CDCA7L: variants seen among roughly 807,000 people sequenced by gnomAD.
The protein encoded by CDCA7L is cell division cycle-associated 7-like protein.
Under a neutral mutation model 57.4 loss-of-function variants are expected in CDCA7L, and 44 were observed. The observed-to-expected ratio is 0.77, with a 90% CI of 0.60 to 0.98. The LOEUF is 0.98. Ranked by LOEUF, CDCA7L falls within the 50% of genes least tolerant of loss-of-function variation. The probability of loss-of-function intolerance (pLI) is 0.00; values close to 1 mark genes in which losing one functional copy is unlikely to be tolerated. For missense variants in CDCA7L, 644 were observed against 580.6 expected (o/e 1.11, Z -1.12); for synonymous variants, 236 against 202.8 (o/e 1.16, Z -1.39).
Position 21,911,724 on chromosome 7 carries a change from T to C in CDCA7L, c.196A>G (p.Thr66Ala). ...ATAAAAATTCTTCTTAGCTCTTCTG[T>C]GAAGTATTTGGAATGAAAGCGCACA... is the stretch of plus-strand genomic sequence containing the variant. The part of the protein sequence containing the change: ...QDVRFHSKYF[T>A]EELRRIFIED... The change falls in exon 3 of 10, where the codon ACA (threonine) becomes GCA (alanine). Residue 66 changes from threonine (T) to alanine (A), a missense_variant. By Grantham distance (58) the Thr-to-Ala change is moderately conservative (BLOSUM62 0). Coordinates refer to ENST00000406877, the MANE Select transcript of CDCA7L (RefSeq NM_018719.5). 1 of 1,613,240 alleles carries C rather than the reference T, an allele frequency of 6.2e-7. No homozygotes were observed. The highest frequency in any genetic ancestry group is 8.5e-7 in the Non-Finnish European group (1 of 1,179,842).
At chr7:21,918,752 T>G (rs970842022) in intron 1 of CDCA7L, among the ~76,000 whole-genome samples, 4 of 152,352 alleles carry the variant, frequency 2.6e-5, no homozygotes, top group South Asian at 2.1e-4. Context: ...AAGGTCTGGC[T>G]GTCTCTTTTT....
chr7:21,904,234 T>G lies in CDCA7L; in HGVS notation c.1073A>C (p.Gln358Pro). Reference sequence around the variant, plus strand: ...CACTGTCTTGGTGTCGATGGTCTTTTGTCGACACTGATGGCACGTGTTACC... The same window carrying G: ...CACTGTCTTGGTGTCGATGGTCTTTGGTCGACACTGATGGCACGTGTTACC... ...VLGNTCHQCR[Q>P]KTIDTKTVCR... Residue 358 changes from glutamine (Q) to proline (P), a missense_variant, in exon 8 of 10, where the codon CAA becomes CCA. Physicochemically the swap from Gln to Pro is moderately conservative, Grantham distance 76. Transcript: ENST00000406877. 1 of 1,611,382 alleles carries G rather than the reference T, an allele frequency of 6.2e-7. No homozygotes were observed. Among genetic ancestry groups the G allele is most frequent in the Non-Finnish European group, 8.5e-7 (1 of 1,178,618 alleles).
At position 21,903,066 on chromosome 7, in the gene CDCA7L, G is replaced by A. The variant is rs368150780; in HGVS notation, c.1246C>T (p.Arg416Trp). 2.4e-5 allele frequency: 39 copies of A among 1,613,994 alleles called. No individual in the cohort carries two copies. Among genetic ancestry groups the A allele is most frequent in the Non-Finnish European group, 2.9e-5 (34 of 1,179,934 alleles). The part of the protein sequence containing the change: ...CRGICNCSYC[R>W]KRDGRCATGI... ...GTGGCACAGCGGCCGTCACGCTTCC[G>A]ACAGTAGCTGCAATTGCAGATCCCA... The change falls in exon 9 of 10, where the codon CGG becomes TGG. Residue 416 changes from arginine to tryptophan, a missense_variant. Coordinates refer to ENST00000406877, the MANE Select transcript of CDCA7L (RefSeq NM_018719.5).
At chr7:21,930,713 A>G (rs1785981923) in intron 1 of CDCA7L, among the ~76,000 whole-genome samples, 1 of 150,206 alleles carries the variant, frequency 6.7e-6, no homozygotes, top group Non-Finnish European at 1.5e-5. Flanking sequence ...AAAAAAAAAA[A>G]AAAAAAAAAA....
chr7:21,945,667 C>G lies in CDCA7L; in HGVS notation c.24+114G>C. On this transcript the variant is annotated intron_variant, in intron 1 of 9. Coordinates refer to ENST00000406877, the MANE Select transcript of CDCA7L (RefSeq NM_018719.5). ...ACTCAACCGGCTGGGCGCGCCAGAT[C>G]CCCAGTGCCGCAGCCAAGGGCCACG... 4 of 1,342,890 alleles carry G rather than the reference C, an allele frequency of 3.0e-6. No homozygotes were observed. The South Asian group carries it at 5.0e-5, about 17-fold the overall frequency. The allele number at this position is 1,342,890 out of a possible 1,614,324, so 83.2% of individuals were successfully genotyped here. A position where few individuals can be genotyped will look rare whatever the true frequency, so the allele number is the denominator to read the frequency against.
chr7:21,906,533 T>A, intron 5 of CDCA7L, 35 bp downstream of exon 5: 1 of 1,612,036 alleles, frequency 6.2e-7, no homozygotes, highest in Non-Finnish European at 8.5e-7. Flanking sequence ...TCACCATATA[T>A]CAGTATTGGT....
chr7:21,906,516 TGGC>T, intron 5 of CDCA7L, 49 bp downstream of exon 5: 2 of 1,612,520 alleles, frequency 1.2e-6, no homozygotes, highest in East Asian at 4.5e-5. Context: ...AGCCGTCTGG[TGGC>T]TGATCACCAT....
chr7:21,915,862 A>C (rs1334842767), intron 2 of CDCA7L, among the ~76,000 whole-genome samples: 2 of 152,016 alleles, frequency 1.3e-5, no homozygotes, highest in Non-Finnish European at 2.9e-5. Flanking sequence ...AAAGAGCAAA[A>C]GGTGTAACAG....
chr7:21,907,190 G>A (rs1004424870), intron 4 of CDCA7L, among the ~76,000 whole-genome samples: 6 of 152,196 alleles, frequency 3.9e-5, no homozygotes, highest in East Asian at 1.9e-4. Context: ...ATTAGGATTC[G>A]TTTTAGTTTA....
chr7:21,917,946 G>GTTCA, intron 1 of CDCA7L, among the ~76,000 whole-genome samples: 1 of 151,676 alleles, frequency 6.6e-6, no homozygotes, highest in Admixed American at 6.6e-5. Flanking sequence ...ATCTGCAACT[G>GTTCA]TTCTATTTGA....
chr7:21,901,273 C>G lies in CDCA7L; in HGVS notation c.*1049G>C. 6.3e-7 allele frequency: 1 copy of G among 1,591,032 alleles called. No homozygotes were observed. The highest frequency in any genetic ancestry group is 8.6e-7 in the Non-Finnish European group (1 of 1,168,336). On this transcript the variant is annotated 3_prime_UTR_variant, in exon 10 of 10. Coordinates refer to ENST00000406877, the MANE Select transcript of CDCA7L (RefSeq NM_018719.5). ...AGCGTAAGGTAACACTGGCATTCCTCTAGCCTCTGCTGGAGTGCAGTGAGG... is the reference window on the plus strand; with the variant it reads ...AGCGTAAGGTAACACTGGCATTCCTGTAGCCTCTGCTGGAGTGCAGTGAGG...
At chr7:21,925,011 A>C (rs1316635585) in intron 1 of CDCA7L, among the ~76,000 whole-genome samples, 1 of 152,222 alleles carries the variant, frequency 6.6e-6, no homozygotes, top group African/African-American at 2.4e-5. Flanking sequence ...AATCACGTAA[A>C]GGAGACCAAA....
In CDCA7L at chr7:21,932,033, G is replaced by A. The variant is rs530939477; in HGVS notation, c.24+13748C>T. Among the ~76,000 whole-genome samples the A allele has an allele frequency of 4.6e-5, 7 of 152,250 alleles. No individual in the cohort carries two copies. The East Asian group carries it at 1.2e-3, about 25-fold the overall frequency. ...TACCAATAATAGAGAGCAAAATCAT[G>A]AGTGAACTCTCATTTACAATTGCTA... On this transcript the variant is annotated intron_variant, in intron 1 of 9. Coordinates refer to ENST00000406877, the MANE Select transcript of CDCA7L (RefSeq NM_018719.5).
rs1554295235 is a variant in CDCA7L, at chr7:21,904,083, T to TACAACAAATGCAAACACTGTTCCTACC, written c.1197_1197+26dup. 5 of 1,549,314 alleles carry TACAACAAATGCAAACACTGTTCCTACC rather than the reference T, an allele frequency of 3.2e-6. No homozygotes were observed. The African/African-American group carries it at 6.8e-5, about 21-fold the overall frequency. On this transcript the variant is annotated intron_variant, in intron 8 of 9. Coordinates refer to ENST00000406877, the MANE Select transcript of CDCA7L (RefSeq NM_018719.5). ...GCTTGCTTCCTTCACCAATACAATT[T>TACAACAAATGCAAACACTGTTCCTACC]ACAACAAATGCAAACACTGTTCCTA...
At chr7:21,922,985 AG>A (rs1240078853) in intron 1 of CDCA7L, among the ~76,000 whole-genome samples, 1 of 152,206 alleles carries the variant, frequency 6.6e-6, no homozygotes, top group Non-Finnish European at 1.5e-5. Flanking sequence ...CGGAGACAGC[AG>A]AATGGCACTT....
intron 1 of CDCA7L, among the ~76,000 whole-genome samples, chr7:21,937,015 A>G (rs1192766913): frequency 1.3e-5 from 2 of 152,236 alleles, no homozygotes; most frequent in Non-Finnish European, 2.9e-5. Context: ...AACAATGAAC[A>G]ATTATGAAAA....
chr7:21,917,010 AG>A, intron 1 of CDCA7L, 116 bp from the exon 2 acceptor site: 1 of 1,135,732 alleles, frequency 8.8e-7, no homozygotes, highest in Non-Finnish European at 1.3e-6. Flanking sequence ...ACGGTTGCCC[AG>A]AAGTCCCCAG....
At chr7:21,912,846 C>A (rs1192825024) in intron 2 of CDCA7L, among the ~76,000 whole-genome samples, 1 of 152,182 alleles carries the variant, frequency 6.6e-6, no homozygotes, top group Admixed American at 6.5e-5. Context: ...TAAGAAAAGG[C>A]ATTTTCTAAT....
chr7:21,901,376 C>CAACGCTATCCTTAGAGT lies in CDCA7L; in HGVS notation c.*929_*945dup. The CAACGCTATCCTTAGAGT allele has an allele frequency of 7.6e-7, 1 of 1,312,892 alleles. No homozygotes were observed. Among genetic ancestry groups the CAACGCTATCCTTAGAGT allele is most frequent in the Non-Finnish European group, 9.9e-7 (1 of 1,009,020 alleles). The allele number at this position is 1,312,892 out of a possible 1,614,324, so 81.3% of individuals were successfully genotyped here. A position where few individuals can be genotyped will look rare whatever the true frequency, so the allele number is the denominator to read the frequency against. On this transcript the variant is annotated 3_prime_UTR_variant, in exon 10 of 10. Transcript: ENST00000406877. ...GTAACTCACACGTGCATTCTTTTTT[C>CAACGCTATCCTTAGAGT]AACGCTATCCTTAGAGTGAAAGTCA...
Sources: gnomAD v4.1 joint callset for allele counts (sites outside exome capture counted in the v4.1 genomes callset) on GRCh38, gnomAD v4.1.1 for gene constraint, MANE v1.5 for transcripts, NCBI Gene and HGNC (gene_info 2026-07-23, HGNC 2026-07-21) for gene names.